CFAP299: variants seen among roughly 807,000 people sequenced by gnomAD.
The protein encoded by CFAP299 is cilia- and flagella-associated protein 299.
In CFAP299, 21 loss-of-function variants were observed where a neutral mutation model predicts 27.0. That is an observed-to-expected ratio of 0.78 (90% CI 0.55 to 1.12). The LOEUF (loss-of-function observed/expected upper bound fraction) is 1.12, where lower values mean the gene tolerates loss of function less well. CFAP299 is among the 50% of genes most tolerant of loss of function. The probability of loss-of-function intolerance (pLI) is 0.00; values close to 1 mark genes in which losing one functional copy is unlikely to be tolerated. For missense variants in CFAP299, 310 were observed against 276.6 expected (o/e 1.12, Z -0.86); for synonymous variants, 104 against 98.1 (o/e 1.06, Z -0.36).
chr4:80,724,747 C>T (rs944338803), intron 3 of CFAP299, among the ~76,000 whole-genome samples: 44 of 152,172 alleles, frequency 2.9e-4, no homozygotes, highest in African/African-American at 1.1e-3. Flanking sequence ...CTGAATATTT[C>T]CTAATGAATA....
At chr4:80,926,707 C>T (rs566913336) in intron 4 of CFAP299, among the ~76,000 whole-genome samples, 8 of 151,858 alleles carry the variant, frequency 5.3e-5, no homozygotes, top group African/African-American at 1.7e-4. Flanking sequence ...TTCTGTTTCA[C>T]TATAAAAAAT....
chr4:80,542,106 TC>T (rs1416132432), intron 2 of CFAP299, among the ~76,000 whole-genome samples: 4 of 152,154 alleles, frequency 2.6e-5, no homozygotes, highest in African/African-American at 9.7e-5. Context: ...TTGCCCTTGT[TC>T]ATCAGACTTC....
chr4:80,622,381 A>G (rs1167266418), intron 3 of CFAP299, among the ~76,000 whole-genome samples: 3 of 152,158 alleles, frequency 2.0e-5, no homozygotes, highest in South Asian at 2.1e-4. Context: ...CTATAACACT[A>G]CTATCTGGAC....
At chr4:80,577,079 A>G (rs1417994367) in intron 2 of CFAP299, among the ~76,000 whole-genome samples, 1 of 152,120 alleles carries the variant, frequency 6.6e-6, no homozygotes. Context: ...GTGAATTCTC[A>G]TTGTTTTCAC....
intron 1 of CFAP299, among the ~76,000 whole-genome samples, chr4:80,350,444 A>G (rs993515128): frequency 2.6e-5 from 4 of 152,212 alleles, no homozygotes; most frequent in Admixed American, 2.6e-4. Context: ...GTATATACCC[A>G]AAGGATTATA....
intron 2 of CFAP299, among the ~76,000 whole-genome samples, chr4:80,412,940 TA>T (rs1726799554): frequency 1.3e-5 from 2 of 152,224 alleles, no homozygotes; most frequent in Non-Finnish European, 2.9e-5. Flanking sequence ...TTAGCATTGA[TA>T]TTTGTGTGTT....
intron 4 of CFAP299, among the ~76,000 whole-genome samples, chr4:80,919,886 C>T (rs1560477054): frequency 6.6e-6 from 1 of 152,008 alleles, no homozygotes; most frequent in African/African-American, 2.4e-5. Context: ...AGGCTTTGCC[C>T]CCAGTATATA....
intron 4 of CFAP299, among the ~76,000 whole-genome samples, chr4:80,925,534 A>G (rs926754153): frequency 3.3e-5 from 5 of 151,966 alleles, no homozygotes; most frequent in Non-Finnish European, 2.9e-5. Flanking sequence ...TACTCAAAAT[A>G]TTAATATTTC....
At chr4:80,866,077 A>ATATATATATATATATG (rs1732722388) in intron 3 of CFAP299, among the ~76,000 whole-genome samples, 1 of 117,268 alleles carries the variant, frequency 8.5e-6, no homozygotes, top group Non-Finnish European at 1.8e-5. Flanking sequence ...ATATATATAT[A>ATATATATATATATATG]TATATATATA....
intron 3 of CFAP299, among the ~76,000 whole-genome samples, chr4:80,686,151 T>C (rs1720177520): frequency 6.6e-6 from 1 of 152,190 alleles, no homozygotes; most frequent in Admixed American, 6.5e-5. Flanking sequence ...ATTAATGCTA[T>C]TGGAATCAAA....
chr4:80,726,560 CTG>C (rs1453378613), intron 3 of CFAP299, among the ~76,000 whole-genome samples: 12 of 151,804 alleles, frequency 7.9e-5, no homozygotes, highest in Non-Finnish European at 1.3e-4. Context: ...GGAAAAGAAA[CTG>C]TATCAAGAAG....
At chr4:80,430,899 G>C (rs1727780574) in intron 2 of CFAP299, among the ~76,000 whole-genome samples, 1 of 152,138 alleles carries the variant, frequency 6.6e-6, no homozygotes, top group East Asian at 1.9e-4. Context: ...TGGTCCTCCA[G>C]ATGTTGTCCA....
chr4:80,796,351 G>A (rs1474282387), intron 3 of CFAP299, among the ~76,000 whole-genome samples: 8 of 152,142 alleles, frequency 5.3e-5, no homozygotes, highest in African/African-American at 1.9e-4. Context: ...TAAGTCACAT[G>A]TGTTTGTTAC....
chr4:80,815,683 A>G (rs1729385421), intron 3 of CFAP299, among the ~76,000 whole-genome samples: 1 of 152,016 alleles, frequency 6.6e-6, no homozygotes, highest in Non-Finnish European at 1.5e-5. Flanking sequence ...TGTTATAAGC[A>G]TATTGTGGAG....
At chr4:80,932,817 T>C (rs958108296) in intron 4 of CFAP299, among the ~76,000 whole-genome samples, 1 of 152,168 alleles carries the variant, frequency 6.6e-6, no homozygotes, top group Non-Finnish European at 1.5e-5. Context: ...CCAAGCTTAC[T>C]CTTGTCTTGG....
At chr4:80,829,391 C>T (rs898746816) in intron 3 of CFAP299, among the ~76,000 whole-genome samples, 8 of 151,810 alleles carry the variant, frequency 5.3e-5, no homozygotes, top group Non-Finnish European at 8.8e-5. Flanking sequence ...AATTTTCACC[C>T]ATTAGGATGG....
intron 4 of CFAP299, among the ~76,000 whole-genome samples, chr4:80,874,533 G>A (rs1733273005): frequency 1.3e-5 from 2 of 152,150 alleles, no homozygotes; most frequent in South Asian, 4.2e-4. Flanking sequence ...TTTGGAGGCT[G>A]GAAAATCCAA....
At chr4:80,896,352 G>A (rs373108978) in intron 4 of CFAP299, among the ~76,000 whole-genome samples, 2 of 152,066 alleles carry the variant, frequency 1.3e-5, no homozygotes, top group African/African-American at 4.8e-5. Flanking sequence ...ATGAGTAAAC[G>A]GATTTGTTTA....
chr4:80,693,089 C>T (rs971012405), intron 3 of CFAP299, among the ~76,000 whole-genome samples: 2 of 152,270 alleles, frequency 1.3e-5, no homozygotes, highest in African/African-American at 4.8e-5. Context: ...CACTTTTACA[C>T]TGTTGGTGGG....
Sources: gnomAD v4.1 joint callset for allele counts (sites outside exome capture counted in the v4.1 genomes callset) on GRCh38, gnomAD v4.1.1 for gene constraint, MANE v1.5 for transcripts, NCBI Gene and HGNC (gene_info 2026-07-23, HGNC 2026-07-21) for gene names.